The following ERMP1 variants were observed in gnomAD, a reference collection of about 807,000 sequenced individuals.
The protein encoded by ERMP1 is Felix-ina.
In ERMP1, 86 loss-of-function variants were observed where a neutral mutation model predicts 92.0. The observed-to-expected ratio is 0.93, with a 90% confidence interval of 0.79 to 1.12. ERMP1 has a LOEUF of 1.12. Among genes scored for constraint, ERMP1 ranks in the 50% most tolerant of loss-of-function variants. The pLI is 0.00. For missense variants in ERMP1, 1,342 were observed against 1,116.3 expected (o/e 1.20, Z -2.88); for synonymous variants, 530 against 412.8 (o/e 1.28, Z -3.44).
chr9:5,832,186 T>C (rs1006206640), intron 1 of ERMP1, among the ~76,000 whole-genome samples: 1 of 152,126 alleles, frequency 6.6e-6, no homozygotes, highest in African/African-American at 2.4e-5. Context: ...ATACCAAATT[T>C]TGACTGGGCG....
rs764363850 is a variant in ERMP1 at position 5,812,973 on chromosome 9, C to G, written c.937G>C (p.Val313Leu). 5.6e-6 allele frequency: 9 copies of G among 1,614,058 alleles called. No homozygotes were observed. In the South Asian group the frequency reaches 8.8e-5, roughly 16 times the overall value. Reference protein sequence around the residue: ...VSAAKHPFASVVAQEVFQSGI... With the variant: ...VSAAKHPFASLVAQEVFQSGI... ...CTCTGAAAAACCTCCTGAGCCACCA[C>G]AGAAGCAAAAGGGTGTTTAGCTGCT... The change falls in exon 5 of 15, where the codon GTG (valine) becomes CTG (leucine). Residue 313 changes from valine to leucine, a missense_variant. By Grantham distance (32) the Val-to-Leu change is conservative. Transcript: ENST00000339450.
intron 6 of ERMP1, among the ~76,000 whole-genome samples, chr9:5,851,236 CACCTTTAGCAGTCAT>C (rs1355008959): frequency 6.6e-6 from 1 of 152,218 alleles, no homozygotes; most frequent in Non-Finnish European, 1.5e-5. Flanking sequence ...ATCTGAGGCA[CACCTTTAGCAGTCAT>C]ACAGCACCTT....
upstream of ERMP1, chr9:5,833,251 G>A (rs1412524210): frequency 3.1e-5 from 15 of 480,140 alleles, no homozygotes; most frequent in Admixed American, 1.3e-4. Context: ...TGGTGGATAT[G>A]CCGTCTCCCG....
At chr9:5,820,929 A>T (rs7019784) in intron 4 of ERMP1, among the ~76,000 whole-genome samples, 77,048 of 152,052 alleles carry the variant, frequency 0.51, 20,781 homozygotes, top group Non-Finnish European at 0.62. Context: ...TGGGAAAGGT[A>T]TCAGAATGTC....
intron 10 of ERMP1, among the ~76,000 whole-genome samples, chr9:5,804,338 G>C (rs1381610210): frequency 6.6e-6 from 1 of 152,074 alleles, no homozygotes; most frequent in East Asian, 1.9e-4. Context: ...TGCTCAAGGG[G>C]GGTCTGGTCT....
At chr9:5,823,301 A>G (rs1829610835) in intron 4 of ERMP1, among the ~76,000 whole-genome samples, 1 of 152,202 alleles carries the variant, frequency 6.6e-6, no homozygotes, top group East Asian at 1.9e-4. Context: ...AATAAAAATT[A>G]TTCTGGCTGA....
intron 13 of ERMP1, among the ~76,000 whole-genome samples, chr9:5,789,434 G>C (rs773602631): frequency 2.6e-5 from 4 of 152,172 alleles, no homozygotes; most frequent in Non-Finnish European, 4.4e-5. Flanking sequence ...CAACTATCAG[G>C]ATTACAGAAA....
chr9:5,846,896 C>T (rs1028713691), intron 6 of ERMP1, among the ~76,000 whole-genome samples: 11 of 152,164 alleles, frequency 7.2e-5, no homozygotes, highest in Non-Finnish European at 1.3e-4. Context: ...TGGAACTGGA[C>T]GCCCTTTAAT....
chr9:5,843,865 A>C (rs10758709), intron 6 of ERMP1, among the ~76,000 whole-genome samples: 3 of 152,124 alleles, frequency 2.0e-5, no homozygotes, highest in Non-Finnish European at 2.9e-5. Flanking sequence ...TTTTAGACCA[A>C]GCCTGGGGAT....
chr9:5,815,115 A>C (rs1829251850), intron 4 of ERMP1, among the ~76,000 whole-genome samples: 1 of 152,222 alleles, frequency 6.6e-6, no homozygotes, highest in South Asian at 2.1e-4. Context: ...AAATGTTTAA[A>C]GACTTAATGG....
At chr9:5,839,681 G>C (rs1830135880) in intron 6 of ERMP1, among the ~76,000 whole-genome samples, 1 of 152,164 alleles carries the variant, frequency 6.6e-6, no homozygotes, top group Admixed American at 6.5e-5. Flanking sequence ...AAGCCCTCTT[G>C]CAGGCTGTGT....
chr9:5,812,778 C>T (rs1386356943), intron 5 of ERMP1, 111 bp downstream of exon 5: 1 of 1,199,670 alleles, frequency 8.3e-7, no homozygotes, highest in Non-Finnish European at 1.2e-6. Context: ...ATATTTCTCA[C>T]ATAAAGAATT....
chr9:5,864,860 G>A (rs1830605577), intron 5 of ERMP1, among the ~76,000 whole-genome samples: 2 of 152,110 alleles, frequency 1.3e-5, no homozygotes, highest in South Asian at 4.1e-4. Context: ...CAGTGTGGTG[G>A]CATGATATTA....
intron 4 of ERMP1, among the ~76,000 whole-genome samples, chr9:5,820,381 A>C (rs868458465): frequency 2.0e-5 from 3 of 152,248 alleles, no homozygotes; most frequent in Non-Finnish European, 4.4e-5. Context: ...ATATAAATGT[A>C]TATTAATGTT....
intron 11 of ERMP1, among the ~76,000 whole-genome samples, chr9:5,800,097 T>C (rs1365322140): frequency 2.0e-5 from 3 of 152,214 alleles, no homozygotes; most frequent in African/African-American, 7.2e-5. Context: ...ATGTGACTCT[T>C]GCCCTTAAGG....
chr9:5,834,658 C>G (rs1830060604), upstream of ERMP1, among the ~76,000 whole-genome samples: 1 of 151,104 alleles, frequency 6.6e-6, no homozygotes, highest in African/African-American at 2.4e-5. Flanking sequence ...GTGCTTAGCT[C>G]TGGATAAGAG....
chr9:5,864,178 T>C (rs1008463975), intron 5 of ERMP1, among the ~76,000 whole-genome samples: 10 of 152,248 alleles, frequency 6.6e-5, no homozygotes, highest in Non-Finnish European at 1.3e-4. Flanking sequence ...TACATTTCAT[T>C]GATCAATGAA....
chr9:5,850,267 T>C (rs1487654962), intron 6 of ERMP1, among the ~76,000 whole-genome samples: 1 of 151,890 alleles, frequency 6.6e-6, no homozygotes, highest in African/African-American at 2.4e-5. Context: ...TAGTTGGGCA[T>C]GGTGGCAGGC....
chr9:5,787,509 G>A lies in ERMP1; in HGVS notation c.2471C>T (p.Thr824Ile), dbSNP rs1237802408. The A allele has an allele frequency of 6.2e-7, 1 of 1,614,124 alleles. No individual in the cohort carries two copies. The highest frequency in any genetic ancestry group is 8.5e-7 in the Non-Finnish European group (1 of 1,179,978). ...QWSLGNGTPV[T>I]SKGGDYFVFY... Reference sequence around the variant, plus strand: ...GACAAAGTAGTCTCCTCCTTTACTTGTGACTGGGGTGCCATTGCCAAGAGA... The same window carrying A: ...GACAAAGTAGTCTCCTCCTTTACTTATGACTGGGGTGCCATTGCCAAGAGA... The change falls in exon 14 of 15, where the codon ACA (threonine) becomes ATA (isoleucine). Residue 824 changes from threonine (T) to isoleucine (I), a missense_variant. Coordinates refer to ENST00000339450, the MANE Select transcript of ERMP1 (RefSeq NM_024896.3).
Sources: gnomAD v4.1 joint callset for allele counts (sites outside exome capture counted in the v4.1 genomes callset) on GRCh38, gnomAD v4.1.1 for gene constraint, MANE v1.5 for transcripts, NCBI Gene and HGNC (gene_info 2026-07-23, HGNC 2026-07-21) for gene names.